Variants in SRRM4 observed in about 807,000 individuals in gnomAD.
SRRM4 encodes the protein serine/arginine repetitive matrix 4.
SRRM4 carries 33 observed loss-of-function variants against 68.9 expected under a neutral mutation model. That is an observed-to-expected ratio of 0.48 (90% CI 0.36 to 0.64). The LOEUF (loss-of-function observed/expected upper bound fraction) is 0.64, where lower values mean the gene tolerates loss of function less well. Ranked by LOEUF, SRRM4 falls within the 30% of genes least tolerant of loss-of-function variation. SRRM4 has a pLI of 0.00. For missense variants in SRRM4, 817 were observed against 827.1 expected, an observed-to-expected ratio of 0.99 and a Z score of 0.15; for synonymous variants, 318 against 318.8, an observed-to-expected ratio of 1.00 and a Z score of 0.03.
At chr12:119,035,344 G>A (rs1473781206) in intron 1 of SRRM4, among the ~76,000 whole-genome samples, 4 of 152,086 alleles carry the variant, frequency 2.6e-5, no homozygotes, top group African/African-American at 9.7e-5. Context: ...ATTGAAACTG[G>A]AAAAGTTTGA....
At chr12:119,029,814 C>T (rs772551279) in intron 1 of SRRM4, among the ~76,000 whole-genome samples, 14 of 152,136 alleles carry the variant, frequency 9.2e-5, no homozygotes, top group Non-Finnish European at 1.9e-4. Context: ...TAATGGGAGC[C>T]TTGGATTAAA....
chr12:119,015,221 G>T lies in SRRM4; in HGVS notation c.131+33208G>T, dbSNP rs541462841. 2.0e-5 allele frequency among the ~76,000 whole-genome samples: 3 copies of T among 152,050 alleles called. No homozygotes were observed. The East Asian group carries it at 5.8e-4, about 29-fold the overall frequency. On this transcript the variant is annotated intron_variant, in intron 1 of 12. Coordinates refer to ENST00000267260, the MANE Select transcript of SRRM4 (RefSeq NM_194286.4). The stretch of plus-strand genomic sequence containing the variant: ...TGCCTCCCCAGCATGTAATCAATCC[G>T]CCAGCAGGTCTATCACTTATAAATA...
At position 119,151,284 on chromosome 12, in the gene SRRM4, A is replaced by G; in HGVS notation, c.1280+64A>G. ...TCCTTAGGAAATTAGTTAATTGCAG[A>G]TGTCCTTTGACCCATGGGGGAGAGA... On this transcript the variant is annotated intron_variant, in intron 10 of 12. Transcript: ENST00000267260. The G allele has an allele frequency of 1.4e-6, 2 of 1,454,646 alleles. 1 individual carries two copies. The highest frequency in any genetic ancestry group is 2.3e-5 in the South Asian group (2 of 87,926). The allele number at this position is 1,454,646 out of a possible 1,614,324, so 90.1% of individuals were successfully genotyped here.
At chr12:119,001,835 T>G (rs950540001) in intron 1 of SRRM4, 2 of 151,904 alleles carry the variant, frequency 1.3e-5, no homozygotes, top group African/African-American at 4.8e-5. Flanking sequence ...AAACAAAAAT[T>G]AACCAGGTGT....
rs567478907 is a variant in SRRM4 at position 119,154,265 on chromosome 12, G to A, written c.1414G>A (p.Glu472Lys). 6.2e-6 allele frequency: 10 copies of A among 1,608,868 alleles called. No homozygotes were observed. Among genetic ancestry groups the A allele is most frequent in the South Asian group, 5.6e-5 (5 of 90,054 alleles). ...CAGGGAGCGGGATCCCAAATACAGT[G>A]AGAAGGACTCGCAGCAGCGGGAGCG... ...PSRERDPKYS[E>K]KDSQQRERER... Residue 472 changes from glutamate (E) to lysine (K), a missense_variant, in exon 12 of 13, where the codon GAG (glutamate) becomes AAG (lysine). Coordinates refer to ENST00000267260, the MANE Select transcript of SRRM4 (RefSeq NM_194286.4). This position sits in a 1 kb window ranked among gnomAD's most constrained non-coding sequence, Gnocchi z 4.7.
At chr12:118,991,396 T>C (rs1425514997) in intron 1 of SRRM4, among the ~76,000 whole-genome samples, 1 of 152,216 alleles carries the variant, frequency 6.6e-6, no homozygotes, top group Non-Finnish European at 1.5e-5. Flanking sequence ...CCTTCCAGAA[T>C]GCTGCAGACT....
At chr12:119,018,353 GGGAATTAGTATGAAA>G (rs1953494384) in intron 1 of SRRM4, among the ~76,000 whole-genome samples, 1 of 152,142 alleles carries the variant, frequency 6.6e-6, no homozygotes, top group Non-Finnish European at 1.5e-5. Flanking sequence ...CAAATTTGAG[GGGAATTAGTATGAAA>G]CATGCTGAGG....
At chr12:119,138,951 G>T (rs1954347486) in intron 8 of SRRM4, among the ~76,000 whole-genome samples, 1 of 152,280 alleles carries the variant, frequency 6.6e-6, no homozygotes, top group African/African-American at 2.4e-5. Context: ...GCTCTTAAAA[G>T]GGGGTCCTGG....
chr12:119,114,466 C>T, intron 3 of SRRM4, 102 bp downstream of exon 3: 1 of 862,262 alleles, frequency 1.2e-6, no homozygotes, highest in Non-Finnish European at 1.9e-6. Context: ...CAAATCCCCT[C>T]TCTGATGCTT....
intron 1 of SRRM4, among the ~76,000 whole-genome samples, chr12:119,016,070 G>A (rs1953479153): frequency 6.6e-6 from 1 of 152,142 alleles, no homozygotes; most frequent in Admixed American, 6.5e-5. Flanking sequence ...TTATGATGAG[G>A]GGAGAAGACA....
At chr12:119,024,099 A>G (rs974931292) in intron 1 of SRRM4, among the ~76,000 whole-genome samples, 2 of 152,138 alleles carry the variant, frequency 1.3e-5, no homozygotes, top group African/African-American at 2.4e-5. Flanking sequence ...ATGTATTTCA[A>G]GAGGACTGTT....
intron 1 of SRRM4, among the ~76,000 whole-genome samples, chr12:119,028,527 C>T (rs568633609): frequency 2.2e-4 from 33 of 152,326 alleles, no homozygotes; most frequent in African/African-American, 7.7e-4. Flanking sequence ...ATTGTGAGGC[C>T]TCCCCAGCCA....
chr12:119,112,103 C>T (rs943474240), intron 2 of SRRM4, among the ~76,000 whole-genome samples: 1 of 152,082 alleles, frequency 6.6e-6, no homozygotes, highest in African/African-American at 2.4e-5. Flanking sequence ...CACAAGCATC[C>T]TGTTTGCTTC....
chr12:119,077,381 C>T (rs2136029565), intron 1 of SRRM4, among the ~76,000 whole-genome samples: 1 of 152,268 alleles, frequency 6.6e-6, no homozygotes, highest in Non-Finnish European at 1.5e-5. Flanking sequence ...GGAATTAACA[C>T]ACTTACGATT....
intron 1 of SRRM4, among the ~76,000 whole-genome samples, chr12:119,025,596 C>A (rs748076803): frequency 6.6e-6 from 1 of 152,042 alleles, no homozygotes; most frequent in African/African-American, 2.4e-5. Flanking sequence ...AGGCATGTGC[C>A]ACCATGACCA....
chr12:119,156,523 C>T lies in SRRM4; in HGVS notation c.1561C>T (p.Arg521Trp), dbSNP rs1954472152. 1 of 1,609,526 alleles carries T rather than the reference C, an allele frequency of 6.2e-7. No individual in the cohort carries two copies. The highest frequency in any genetic ancestry group is 1.7e-5 in the Admixed American group (1 of 59,924). The change falls in exon 13 of 13, where the codon CGG (arginine) becomes TGG (tryptophan). Residue 521 changes from arginine to tryptophan, a missense_variant. Physicochemically the swap from Arg to Trp is moderately radical, Grantham distance 101. Coordinates refer to ENST00000267260, the MANE Select transcript of SRRM4 (RefSeq NM_194286.4). Reference sequence around the variant, plus strand: ...CCGGAAACGCCCCATCCCCTACTATCGGCCCAGCCCCTCCTCATCCGGCAG... The same window carrying T: ...CCGGAAACGCCCCATCCCCTACTATTGGCCCAGCCCCTCCTCATCCGGCAG... ...SARKRPIPYY[R>W]PSPSSSGSLS...
intron 1 of SRRM4, among the ~76,000 whole-genome samples, chr12:119,028,010 T>C (rs1488028807): frequency 6.6e-6 from 1 of 152,238 alleles, no homozygotes; most frequent in Non-Finnish European, 1.5e-5. Flanking sequence ...CACGTGTTGT[T>C]GCTAATACTT....
chr12:119,058,681 C>A (rs953916274), intron 1 of SRRM4, among the ~76,000 whole-genome samples: 5 of 152,100 alleles, frequency 3.3e-5, no homozygotes, highest in African/African-American at 7.2e-5. Flanking sequence ...ATCTTTTCCC[C>A]CTCCCCACTT....
At chr12:119,044,764 T>G (rs2136013765) in intron 1 of SRRM4, among the ~76,000 whole-genome samples, 1 of 152,266 alleles carries the variant, frequency 6.6e-6, no homozygotes, top group South Asian at 2.1e-4. Context: ...AAGTGCTTGA[T>G]ATATTATGAT....
Sources: gnomAD v4.1 joint callset for allele counts (sites outside exome capture counted in the v4.1 genomes callset) on GRCh38, gnomAD v4.1.1 for gene constraint, Gnocchi (gnomAD v3.1) non-coding constraint, MANE v1.5 for transcripts, NCBI Gene and HGNC (gene_info 2026-07-23, HGNC 2026-07-21) for gene names.